The following GBF1 variants were observed in gnomAD, a reference collection of about 807,000 sequenced individuals.
GBF1 encodes golgi brefeldin A resistant guanine nucleotide exchange factor 1.
GBF1 carries 114 observed loss-of-function variants against 210.5 expected under a neutral mutation model. The observed-to-expected ratio is 0.54, with a 90% CI of 0.47 to 0.63. The LOEUF is 0.63. Ranked by LOEUF, GBF1 falls within the 30% of genes least tolerant of loss-of-function variation. The pLI, the probability that GBF1 is intolerant of heterozygous loss-of-function variation, is 0.00. For synonymous variants in GBF1, 850 were observed against 889.2 expected, an observed-to-expected ratio of 0.96 and a Z score of 0.78; for missense variants, 1,851 against 2,357.7, an observed-to-expected ratio of 0.79 and a Z score of 4.45.
chr10:102,313,404 TGTG>T (rs1425177949), intron 3 of GBF1, among the ~76,000 whole-genome samples: 1 of 152,106 alleles, frequency 6.6e-6, no homozygotes, highest in African/African-American at 2.4e-5. Flanking sequence ...ATCTCAGTGG[TGTG>T]GGTTACAGGA....
intron 28 of GBF1, 23 bp downstream of exon 28, chr10:102,370,501 G>A: frequency 6.4e-7 from 1 of 1,563,338 alleles, no homozygotes; most frequent in Non-Finnish European, 8.8e-7. Flanking sequence ...TAGTCTTTAG[G>A]CAGACCCCAT....
intron 1 of GBF1, among the ~76,000 whole-genome samples, chr10:102,257,046 C>T (rs551074311): frequency 2.0e-5 from 3 of 152,190 alleles, no homozygotes; most frequent in Admixed American, 1.3e-4. Context: ...TCAAAAAAAC[C>T]CCAAAAGACA....
intron 33 of GBF1, among the ~76,000 whole-genome samples, chr10:102,378,114 A>G (rs1392929781): frequency 6.6e-6 from 1 of 151,516 alleles, no homozygotes; most frequent in African/African-American, 2.4e-5. Context: ...GCTACTCGGG[A>G]GGCTGAGACA....
At chr10:102,274,345 A>G (rs1257540778) in intron 3 of GBF1, among the ~76,000 whole-genome samples, 1 of 151,752 alleles carries the variant, frequency 6.6e-6, no homozygotes, top group Non-Finnish European at 1.5e-5. Flanking sequence ...CCTGTGCCCT[A>G]GCCCTGCCTG....
rs200978180 is a variant in GBF1 at position 102,370,490 on chromosome 10, G to T, written c.3506+12G>T. Reference sequence around the variant, plus strand: ...GTGTTGGAGAACAGGTAAGATGAGCGTAGTCTTTAGGCAGACCCCATGCTG... The same window carrying T: ...GTGTTGGAGAACAGGTAAGATGAGCTTAGTCTTTAGGCAGACCCCATGCTG... On this transcript the variant is annotated intron_variant, in intron 28 of 39. Transcript: ENST00000369983. The T allele has an allele frequency of 1.3e-6, 2 of 1,589,514 alleles. No homozygotes were observed. Among genetic ancestry groups the T allele is most frequent in the African/African-American group, 2.7e-5 (2 of 74,416 alleles).
intron 5 of GBF1, 27 bp downstream of exon 5, chr10:102,351,401 G>A (rs1286318520): frequency 6.7e-6 from 8 of 1,192,286 alleles, no homozygotes; most frequent in Admixed American, 1.7e-5. Flanking sequence ...TAGCAATTAG[G>A]CTAATGGCCA....
At chr10:102,230,990 C>T in the GBF1 span, 12 of 1,603,256 alleles carry the variant, frequency 7.5e-6, no homozygotes, top group East Asian at 2.3e-5. Context: ...TACACCTCCT[C>T]GTAGGGCGGC....
intron 3 of GBF1, among the ~76,000 whole-genome samples, chr10:102,263,980 G>A (rs895681280): frequency 6.6e-6 from 1 of 152,168 alleles, no homozygotes; most frequent in African/African-American, 2.4e-5. Context: ...TAAAACAGAT[G>A]TGTGGTTACC....
intron 36 of GBF1, 108 bp downstream of exon 36, chr10:102,380,062 A>AC (rs2060747638): frequency 2.5e-6 from 2 of 790,046 alleles, no homozygotes; most frequent in East Asian, 2.6e-5. Flanking sequence ...GGTGCTCACA[A>AC]CCCCCCAGCT....
intron 3 of GBF1, among the ~76,000 whole-genome samples, chr10:102,342,246 C>A (rs557726054): frequency 2.6e-5 from 4 of 152,110 alleles, no homozygotes; most frequent in East Asian, 3.9e-4. Context: ...ACCATGTTAG[C>A]CAGGATGGTC....
chr10:102,370,040 A>G (rs2060120060), intron 26 of GBF1, 56 bp downstream of exon 26: 1 of 1,596,508 alleles, frequency 6.3e-7, no homozygotes, highest in African/African-American at 1.3e-5. Context: ...ATTAGATGCT[A>G]CTTGGTGAAC....
At position 102,376,965 on chromosome 10, in the gene GBF1, G is replaced by A. The variant is rs2060537361; in HGVS notation, c.4319G>A (p.Ser1440Asn). The A allele has an allele frequency of 1.2e-6, 2 of 1,614,076 alleles. No individual in the cohort carries two copies. Among genetic ancestry groups the A allele is most frequent in the Admixed American group, 1.7e-5 (1 of 60,002 alleles). The change falls in exon 33 of 40, where the codon AGT becomes AAT. Residue 1440 changes from serine (S) to asparagine (N), a missense_variant. By Grantham distance (46) the Ser-to-Asn change is conservative. This residue lies in a region of GBF1 where 967 missense variants were observed against 1,247.7 expected (regional missense o/e 0.78). Coordinates refer to ENST00000369983, the MANE Select transcript of GBF1 (RefSeq NM_001377137.1). ...AAGTCCCAGGAGAAACGTGGCAAGA[G>A]TCACAAATATGACAGCAAAGGGAAC... ...GCKSQEKRGK[S>N]HKYDSKGNRF...
chr10:102,291,164 T>G (rs1305242735), intron 3 of GBF1, among the ~76,000 whole-genome samples: 1 of 152,000 alleles, frequency 6.6e-6, no homozygotes, highest in African/African-American at 2.4e-5. Context: ...CTATGAGCTA[T>G]TCACTGCTTT....
Position 102,344,743 on chromosome 10 carries a change from G to C in GBF1, c.295+561G>C, listed in dbSNP as rs1230765575. On this transcript the variant is annotated intron_variant, in intron 4 of 39. Transcript: ENST00000369983. ...GATCTGCCCGCCTTGGCCTCCCAAA[G>C]TGCTGGGATTACAGGTGTGAGCCAC... is the stretch of plus-strand genomic sequence containing the variant. 2.0e-5 allele frequency among the ~76,000 whole-genome samples: 3 copies of C among 152,216 alleles called. No individual in the cohort carries two copies. The East Asian group carries it at 5.8e-4, about 29-fold the overall frequency.
chr10:102,231,994 T>C, the GBF1 span: 3 of 1,610,684 alleles, frequency 1.9e-6, no homozygotes, highest in Non-Finnish European at 2.5e-6. Context: ...AGCCGTGCTC[T>C]GGGAGCTGGG....
rs779143194 is a variant in GBF1, at chr10:102,381,212, C to T, written c.5259C>T (p.Gly1753=). The T allele has an allele frequency of 1.7e-5, 28 of 1,613,790 alleles. No homozygotes were observed. ...TSAAGDTRTP[G]HPPPPEIPSE... ...CTGCTGGCGACACTAGGACACCTGGCCATCCACCGCCCCCAGAGATTCCAT... is the reference window on the plus strand; with the variant it reads ...CTGCTGGCGACACTAGGACACCTGGTCATCCACCGCCCCCAGAGATTCCAT... The change falls in exon 39 of 40, where the codon GGC becomes GGT. Residue 1753 remains glycine, a synonymous_variant. Coordinates refer to ENST00000369983, the MANE Select transcript of GBF1 (RefSeq NM_001377137.1).
At chr10:102,242,490 T>C (rs1213913599), upstream of GBF1, among the ~76,000 whole-genome samples, 1 of 152,202 alleles carries the variant, frequency 6.6e-6, no homozygotes, top group Non-Finnish European at 1.5e-5. Context: ...GCCTGCTGGT[T>C]AGGAATTTGC....
intron 3 of GBF1, among the ~76,000 whole-genome samples, chr10:102,331,079 A>G (rs1398991577): frequency 1.3e-5 from 2 of 152,084 alleles, no homozygotes; most frequent in Admixed American, 6.6e-5. Flanking sequence ...TGAGATACAC[A>G]TGCTGTTAGG....
intron 3 of GBF1, among the ~76,000 whole-genome samples, chr10:102,285,597 T>C (rs1189701270): frequency 6.6e-6 from 1 of 152,224 alleles, no homozygotes; most frequent in East Asian, 1.9e-4. Context: ...TTTTTTAGTC[T>C]CTCAGTTTCT....
Sources: allele counts gnomAD v4.1 joint callset (sites outside exome capture counted in the v4.1 genomes callset), GRCh38; gene constraint gnomAD v4.1.1; regional missense constraint gnomAD v4.1.1; transcripts MANE v1.5; gene names NCBI Gene and HGNC (gene_info 2026-07-23, HGNC 2026-07-21).